COMMD4: variants seen among roughly 807,000 people sequenced by gnomAD.
COMMD4 encodes the protein COMM domain-containing protein 4.
In COMMD4, 18 loss-of-function variants were observed where a neutral mutation model predicts 27.5. That is an observed-to-expected ratio of 0.65 (90% CI 0.45 to 0.97). COMMD4 has a LOEUF of 0.97. COMMD4 is among the 50% of genes least tolerant of loss of function. The pLI is 0.00. For synonymous variants in COMMD4, 108 were observed against 108.4 expected, an observed-to-expected ratio of 1.00 and a Z score of 0.02; for missense variants, 243 against 250.0, an observed-to-expected ratio of 0.97 and a Z score of 0.19.
rs572646649 is a variant in COMMD4, at chr15:75,336,100, A to G, written c.3+8A>G. ...TGGCTTCTTGGCGCGATGGTGAGGC[A>G]CTAGGGGCGAAGCGAGGCTTGGGCT... On this transcript the variant is annotated splice_region_variant and intron_variant, in intron 1 of 7. Coordinates refer to ENST00000267935, the MANE Select transcript of COMMD4 (RefSeq NM_017828.5). 3.2e-6 allele frequency: 5 copies of G among 1,549,646 alleles called. No individual in the cohort carries two copies. The highest frequency in any genetic ancestry group is 4.9e-5 in the East Asian group (2 of 40,928).
At chr15:75,336,323 G>C in intron 1 of COMMD4, 1 of 1,398,904 alleles carries the variant, frequency 7.1e-7, no homozygotes, top group South Asian at 1.5e-5. Flanking sequence ...TAGAGTCCCG[G>C]TGCTTCCCTG....
chr15:75,339,226 G>C lies in COMMD4; in HGVS notation c.302-38G>C, dbSNP rs373808744. 2,200 of 1,611,578 alleles carry C rather than the reference G, an allele frequency of 1.4e-3. 3 individuals carry two copies. The highest frequency in any genetic ancestry group is 3.7e-3 in the Admixed American group (220 of 59,882). On this transcript the variant is annotated intron_variant, in intron 5 of 7. Transcript: ENST00000267935. ...GGGCCAGGAGCCCAAGCCAGGCCCC[G>C]ACATGCTACCTCCAGAGCTACTCCA...
intron 3 of COMMD4, 67 bp downstream of exon 3, chr15:75,338,487 A>G: frequency 6.3e-7 from 1 of 1,595,000 alleles, no homozygotes; most frequent in East Asian, 2.2e-5. Flanking sequence ...GAAACTCTGC[A>G]CTAGGCCCAG....
Position 75,340,034 on chromosome 15 carries a change from G to A in COMMD4, c.*29G>A, listed in dbSNP as rs2071400826. 1 of 1,612,984 alleles carries A rather than the reference G, an allele frequency of 6.2e-7. No individual in the cohort carries two copies. Among genetic ancestry groups the A allele is most frequent in the Non-Finnish European group, 8.5e-7 (1 of 1,179,530 alleles). On this transcript the variant is annotated 3_prime_UTR_variant, in exon 8 of 8. Transcript: ENST00000267935. ...GAAGGGTGTTCCAGGCCTGTGTGGA[G>A]CCGCCCTGCCCGTATGGAGTCACGC...
At chr15:75,341,039 C>T (rs886110919), downstream of COMMD4, 1 of 152,222 alleles carries the variant, frequency 6.6e-6, no homozygotes, top group Non-Finnish European at 1.5e-5. Flanking sequence ...TCATGTTCCT[C>T]CAGAATTCAT....
chr15:75,339,663 C>T, intron 6 of COMMD4, 39 bp from the exon 7 acceptor site: 4 of 1,547,092 alleles, frequency 2.6e-6, no homozygotes, highest in Non-Finnish European at 2.6e-6. Flanking sequence ...ACTTGGCTTG[C>T]CTGCTTTGAT....
intron 1 of COMMD4, 54 bp downstream of exon 1, chr15:75,336,146 G>A: frequency 1.9e-6 from 3 of 1,549,738 alleles, no homozygotes; most frequent in Non-Finnish European, 1.7e-6. Context: ...GAATGAGGGG[G>A]CGCCAAGTGG....
chr15:75,340,069 T>G lies in COMMD4; in HGVS notation c.*64T>G, dbSNP rs1260628209. ...CCGTATGGAGTCACGCCCTCTGAAC[T>G]GCTCTTCGGGAGGCAGCCCTGGTTC... On this transcript the variant is annotated 3_prime_UTR_variant, in exon 8 of 8. Transcript: ENST00000267935. 3.8e-6 allele frequency: 6 copies of G among 1,579,668 alleles called. No individual in the cohort carries two copies. The highest frequency in any genetic ancestry group is 5.2e-6 in the Non-Finnish European group (6 of 1,158,316).
intron 4 of COMMD4, 70 bp downstream of exon 4, chr15:75,338,755 G>A (rs1414111789): frequency 1.9e-6 from 3 of 1,546,272 alleles, no homozygotes; most frequent in Non-Finnish European, 2.7e-6. Context: ...GGTACAGAGG[G>A]GCCCCCCACC....
At position 75,337,959 on chromosome 15, in the gene COMMD4, G is replaced by A. The variant is rs1236505278; in HGVS notation, c.4-103G>A. 6.1e-5 allele frequency: 72 copies of A among 1,185,610 alleles called. 1 individual carries two copies. Among genetic ancestry groups the A allele is most frequent in the Non-Finnish European group, 8.4e-5 (70 of 835,448 alleles). 73.4% of individuals were successfully genotyped at this position (1,185,610 alleles called of 1,614,324 possible). On this transcript the variant is annotated intron_variant, in intron 1 of 7. Coordinates refer to ENST00000267935, the MANE Select transcript of COMMD4 (RefSeq NM_017828.5). ...AGGCCAGAGGGTATCCATCTATGTC[G>A]GGGACCAGGGGTCCCTGGTGGGCAG...
At chr15:75,339,370 G>T in intron 6 of COMMD4, 26 bp downstream of exon 6, 1 of 1,606,518 alleles carries the variant, frequency 6.2e-7, no homozygotes, top group Non-Finnish European at 8.5e-7. Context: ...GCCAGGGTCC[G>T]GGCTCATTCT....
At chr15:75,340,512 T>C (rs2071417837), downstream of COMMD4, among the ~76,000 whole-genome samples, 1 of 152,208 alleles carries the variant, frequency 6.6e-6, no homozygotes, top group African/African-American at 2.4e-5. Context: ...CCCCTGGCCA[T>C]GTCCTCAGGC....
intron 4 of COMMD4, 110 bp from the exon 5 acceptor site, chr15:75,338,875 A>C (rs752627029): frequency 1.9e-6 from 3 of 1,560,530 alleles, no homozygotes; most frequent in Non-Finnish European, 1.8e-6. Context: ...GAGCAGTAGC[A>C]GTGCCTGTGG....
downstream of COMMD4, chr15:75,341,800 G>A (rs1476633269): frequency 6.6e-6 from 1 of 152,178 alleles, no homozygotes; most frequent in African/African-American, 2.4e-5. Flanking sequence ...TAAAGGCCAG[G>A]TGCAGTGGCC....
At chr15:75,341,725 A>AT (rs2071429733), downstream of COMMD4, 1 of 152,126 alleles carries the variant, frequency 6.6e-6, no homozygotes, top group Non-Finnish European at 1.5e-5. Context: ...AACATTCATG[A>AT]TTAGGGTCTC....
downstream of COMMD4, chr15:75,340,302 G>A (rs1481091872): frequency 2.4e-6 from 1 of 409,572 alleles, no homozygotes; most frequent in Non-Finnish European, 4.4e-6. Flanking sequence ...TTTGGGTTCA[G>A]ATCAAGGGTT....
downstream of COMMD4, chr15:75,341,652 C>A (rs560598619): frequency 6.6e-6 from 1 of 152,268 alleles, no homozygotes; most frequent in East Asian, 1.9e-4. Context: ...ATCTGGACCC[C>A]ATGGCCCAGT....
At chr15:75,340,362 AT>A, downstream of COMMD4, 1 of 242,464 alleles carries the variant, frequency 4.1e-6, no homozygotes, top group Non-Finnish European at 8.0e-6. Flanking sequence ...TCCATCACTC[AT>A]TTTCTTTTCT....
Position 75,339,162 on chromosome 15 carries a change from G to C in COMMD4, c.301+58G>C, listed in dbSNP as rs564984307. The C allele has an allele frequency of 2.0e-5, 33 of 1,612,232 alleles. No individual in the cohort carries two copies. The African/African-American group carries it at 4.0e-4, about 20-fold the overall frequency. The stretch of plus-strand genomic sequence containing the variant: ...GTGGGCCAAGGGCTGCTAGAGAAGG[G>C]GACAGGCCCTGTGACCCTGAGGTGT... On this transcript the variant is annotated intron_variant, in intron 5 of 7. Transcript: ENST00000267935.
Sources: allele counts gnomAD v4.1 joint callset (sites outside exome capture counted in the v4.1 genomes callset), GRCh38; gene constraint gnomAD v4.1.1; transcripts MANE v1.5; gene names NCBI Gene and HGNC (gene_info 2026-07-23, HGNC 2026-07-21).